The following FAM161A variants were observed in gnomAD, a reference collection of about 807,000 sequenced individuals.
The protein encoded by FAM161A is protein FAM161A.
FAM161A carries 57 observed loss-of-function variants against 70.9 expected under a neutral mutation model. The observed-to-expected ratio is 0.80, with a 90% CI of 0.65 to 1.00. The LOEUF (loss-of-function observed/expected upper bound fraction) is 1.00. Ranked by LOEUF, FAM161A falls within the 50% of genes least tolerant of loss-of-function variation. The pLI, the probability that FAM161A is intolerant of heterozygous loss-of-function variation, is 0.00. For missense variants in FAM161A, 880 were observed against 836.0 expected (o/e 1.05, Z -0.65); for synonymous variants, 299 against 295.7 (o/e 1.01, Z -0.12).
Position 61,826,417 on chromosome 2 carries a change from A to G in FAM161A, c.*38T>C. ...GCGGCTGCTGACACCCTGACGCTGC[A>G]AACAACAGCAAGGGCATAGAGAGGA... On this transcript the variant is annotated 3_prime_UTR_variant, in exon 7 of 7. Transcript: ENST00000404929. 1 of 1,606,826 alleles carries G rather than the reference A, an allele frequency of 6.2e-7. No individual in the cohort carries two copies. Among genetic ancestry groups the G allele is most frequent in the Non-Finnish European group, 8.5e-7 (1 of 1,175,086 alleles).
At chr2:61,836,310 A>C in intron 4 of FAM161A, 1 of 527,974 alleles carries the variant, frequency 1.9e-6, no homozygotes, top group Non-Finnish European at 3.4e-6. Context: ...TTCTCATGGA[A>C]TGCAGAATAA....
chr2:61,813,067 G>GA, the FAM161A span, among the ~76,000 whole-genome samples: 76 of 146,098 alleles, frequency 5.2e-4, no homozygotes, highest in South Asian at 4.3e-3. Flanking sequence ...CGTCTCAAAA[G>GA]AAAAAAAAAA....
rs1336151968 is a variant in FAM161A, at chr2:61,838,668, T to C, written c.1621A>G (p.Arg541Gly). 6.2e-7 allele frequency: 1 copy of C among 1,609,190 alleles called. No homozygotes were observed. The highest frequency in any genetic ancestry group is 2.2e-5 in the East Asian group (1 of 44,788). The stretch of plus-strand genomic sequence containing the variant: ...TTCTGTTTAGTTAGGATCCGATTTC[T>C]CTCTTCTTCCAACATTTTCTTTTCC... The part of the protein sequence containing the change: ...LEEKKMLEEE[R>G]NRILTKQKQR... The change falls in exon 4 of 7, where the codon AGA (arginine) becomes GGA (glycine). Residue 541 changes from arginine to glycine, a missense_variant. Transcript: ENST00000404929.
downstream of FAM161A, among the ~76,000 whole-genome samples, chr2:61,822,973 C>T (rs1384850863): frequency 2.0e-5 from 3 of 152,076 alleles, no homozygotes; most frequent in East Asian, 1.9e-4. Flanking sequence ...TTGAGAAATA[C>T]TGTCTAAGAG....
At chr2:61,817,881 G>A in the FAM161A span, among the ~76,000 whole-genome samples, 7 of 151,976 alleles carry the variant, frequency 4.6e-5, no homozygotes, top group East Asian at 1.9e-4. Flanking sequence ...TGGGAGGATC[G>A]CTTGAACCTA....
Position 61,827,131 on chromosome 2 carries a change from G to T in FAM161A, c.1979C>A (p.Thr660Lys). The change falls in exon 6 of 7, where the codon ACG (threonine) becomes AAG (lysine). Residue 660 changes from threonine to lysine, a missense_variant. Physicochemically the swap from Thr to Lys is moderately conservative, Grantham distance 78. Transcript: ENST00000404929. ...TTCTTTGTCTTCAGTGACACTTTTC[G>T]TCTCTTGATTGTTGAAGTACTCAAG... ...KVLEYFNNQE[T>K]KSVTEDKESF... The T allele has an allele frequency of 6.2e-7, 1 of 1,613,584 alleles. No homozygotes were observed. Among genetic ancestry groups the T allele is most frequent in the Non-Finnish European group, 8.5e-7 (1 of 1,179,922 alleles).
the FAM161A span, among the ~76,000 whole-genome samples, chr2:61,816,894 G>A: frequency 2.6e-5 from 4 of 152,212 alleles, no homozygotes; most frequent in Admixed American, 6.5e-5. Context: ...AGCAGGGAAA[G>A]CAGCTGGGAG....
At chr2:61,807,846 G>A in the FAM161A span, among the ~76,000 whole-genome samples, 2 of 152,156 alleles carry the variant, frequency 1.3e-5, no homozygotes, top group South Asian at 2.1e-4. Context: ...TCACTATGTT[G>A]TCCAGGCTGG....
At chr2:61,807,513 T>C in the FAM161A span, among the ~76,000 whole-genome samples, 2 of 151,650 alleles carry the variant, frequency 1.3e-5, no homozygotes, top group Non-Finnish European at 2.9e-5. Flanking sequence ...GTATCTTACA[T>C]GTGCAGGATT....
the FAM161A span, among the ~76,000 whole-genome samples, chr2:61,813,843 C>T: frequency 6.6e-6 from 1 of 152,016 alleles, no homozygotes; most frequent in Non-Finnish European, 1.5e-5. Flanking sequence ...CACTCAAAAA[C>T]ATGGATTAAG....
chr2:61,809,022 G>A, the FAM161A span, among the ~76,000 whole-genome samples: 1 of 152,082 alleles, frequency 6.6e-6, no homozygotes, highest in Non-Finnish European at 1.5e-5. Flanking sequence ...GCAGGCACCT[G>A]CCACCACACA....
intron 1 of FAM161A, 136 bp downstream of exon 1, chr2:61,853,723 A>G (rs1209000832): frequency 3.4e-6 from 3 of 887,862 alleles, no homozygotes; most frequent in Non-Finnish European, 5.2e-6. Flanking sequence ...GGGCTGGGCC[A>G]GGACCACCAA....
chr2:61,814,734 A>G, the FAM161A span, among the ~76,000 whole-genome samples: 280 of 152,294 alleles, frequency 1.8e-3, 3 homozygotes, highest in African/African-American at 6.4e-3. Flanking sequence ...TGTTTGTTCA[A>G]TATGCATGAT....
At position 61,826,266 on chromosome 2, in the gene FAM161A, G is replaced by A; in HGVS notation, c.*189C>T. 1 of 712,466 alleles carries A rather than the reference G, an allele frequency of 1.4e-6. No individual in the cohort carries two copies. 44.1% of individuals were successfully genotyped at this position (712,466 alleles called of 1,614,324 possible). On this transcript the variant is annotated 3_prime_UTR_variant, in exon 7 of 7. Transcript: ENST00000404929. ...CACAATGATTTTTAAAACTGAATAGGCAAAGCCTTACTCTAACTGATCAAA... is the reference window on the plus strand; with the variant it reads ...CACAATGATTTTTAAAACTGAATAGACAAAGCCTTACTCTAACTGATCAAA...
chr2:61,842,871 G>C (rs1354048538), intron 1 of FAM161A, among the ~76,000 whole-genome samples: 1 of 152,218 alleles, frequency 6.6e-6, no homozygotes, highest in Non-Finnish European at 1.5e-5. Context: ...AAAGTTCTCA[G>C]TGGCTTATCA....
In FAM161A at chr2:61,840,222, T is replaced by A. The variant is rs1308739892; in HGVS notation, c.782A>T (p.Asp261Val). The change falls in exon 3 of 7, where the codon GAT becomes GTT. Residue 261 changes from aspartate (D) to valine (V), a missense_variant. Coordinates refer to ENST00000404929, the MANE Select transcript of FAM161A (RefSeq NM_001201543.2). The stretch of plus-strand genomic sequence containing the variant: ...GAGCGCTTTATGTACCATTTCGATA[T>A]CTGATTTAGATTTCATGGACTCTTC... Reference protein sequence around the residue: ...KKEESMKSKSDIEMVHKALKK... With the variant: ...KKEESMKSKSVIEMVHKALKK... The A allele has an allele frequency of 6.2e-7, 1 of 1,613,822 alleles. No individual in the cohort carries two copies. The highest frequency in any genetic ancestry group is 1.7e-5 in the Admixed American group (1 of 59,936).
At position 61,826,525 on chromosome 2, in the gene FAM161A, T is replaced by C. The variant is rs1477768054; in HGVS notation, c.2081A>G (p.Asp694Gly). The change falls in exon 7 of 7, where the codon GAT (aspartate) becomes GGT (glycine). Residue 694 changes from aspartate (D) to glycine (G), a missense_variant. Physicochemically the swap from Asp to Gly is moderately conservative, Grantham distance 94. Coordinates refer to ENST00000404929, the MANE Select transcript of FAM161A (RefSeq NM_001201543.2). ...ENYFIDTNSQ[D>G]SYKEKDEANE... Reference sequence around the variant, plus strand: ...GGCTTCATCTTTTTCCTTGTAAGAATCCTGGCTGTTGGTATCAATAAAATA... The same window carrying C: ...GGCTTCATCTTTTTCCTTGTAAGAACCCTGGCTGTTGGTATCAATAAAATA... The C allele has an allele frequency of 3.7e-6, 6 of 1,606,018 alleles. No individual in the cohort carries two copies. Among genetic ancestry groups the C allele is most frequent in the Non-Finnish European group, 5.1e-6 (6 of 1,174,852 alleles).
the FAM161A span, among the ~76,000 whole-genome samples, chr2:61,812,825 T>C: frequency 6.6e-6 from 1 of 152,066 alleles, no homozygotes; most frequent in South Asian, 2.1e-4. Flanking sequence ...ATCCCAGCAC[T>C]TTGGGAGGCT....
downstream of FAM161A, among the ~76,000 whole-genome samples, chr2:61,824,023 C>CT (rs1036492165): frequency 5.4e-4 from 81 of 150,428 alleles, no homozygotes; most frequent in Middle Eastern, 0.01. Flanking sequence ...AATTTGATGT[C>CT]TTTTTTTTCT....
Sources: allele counts gnomAD v4.1 joint callset (sites outside exome capture counted in the v4.1 genomes callset), GRCh38; gene constraint gnomAD v4.1.1; transcripts MANE v1.5; gene names NCBI Gene and HGNC (gene_info 2026-07-23, HGNC 2026-07-21).